Variants in TENM3 observed in about 807,000 individuals in gnomAD.
TENM3 encodes the protein teneurin transmembrane protein 3.
A neutral mutation model predicts 255.1 loss-of-function variants in TENM3; 63 were observed. The ratio of observed to expected loss-of-function variants is 0.25; its 90% CI spans 0.20 to 0.30. The LOEUF is 0.30. TENM3 is among the 10% of genes least tolerant of loss of function. The pLI is 1.00. For missense variants in TENM3, 2,929 were observed against 3,461.1 expected (o/e 0.85, Z 3.86); for synonymous variants, 1,306 against 1,322.3 (o/e 0.99, Z 0.27).
At chr4:182,691,923 C>G (rs1258248146) in intron 12 of TENM3, among the ~76,000 whole-genome samples, 1 of 152,156 alleles carries the variant, frequency 6.6e-6, no homozygotes, top group Non-Finnish European at 1.5e-5. Context: ...CAAAAATACT[C>G]TCTTTTATAT....
the TENM3 span, among the ~76,000 whole-genome samples, chr4:181,469,015 A>T: frequency 2.0e-5 from 3 of 152,210 alleles, no homozygotes; most frequent in African/African-American, 7.2e-5. Flanking sequence ...CAGTACATAC[A>T]TAATCTCTTT....
intron 1 of TENM3, among the ~76,000 whole-genome samples, chr4:182,203,840 A>G (rs895922558): frequency 2.6e-5 from 4 of 152,250 alleles, no homozygotes; most frequent in Admixed American, 2.6e-4. Flanking sequence ...ATATGGCCTC[A>G]GGCCTCCCTC....
chr4:182,420,560 C>G (rs975229119), intron 3 of TENM3, among the ~76,000 whole-genome samples: 2 of 152,164 alleles, frequency 1.3e-5, no homozygotes, highest in Non-Finnish European at 2.9e-5. Flanking sequence ...TAGAACATGG[C>G]TACAATTTTT....
intron 1 of TENM3, among the ~76,000 whole-genome samples, chr4:182,204,767 A>G (rs776292439): frequency 1.3e-5 from 2 of 152,242 alleles, no homozygotes; most frequent in Non-Finnish European, 2.9e-5. Flanking sequence ...ATGAAAAACA[A>G]TGAAATGCAA....
chr4:182,076,773 T>C, the TENM3 span, among the ~76,000 whole-genome samples: 83 of 152,254 alleles, frequency 5.5e-4, no homozygotes, highest in African/African-American at 1.9e-3. Context: ...GTGGGCCCTG[T>C]GATCTCTGTG....
At chr4:181,770,049 G>A in the TENM3 span, among the ~76,000 whole-genome samples, 1 of 152,144 alleles carries the variant, frequency 6.6e-6, no homozygotes, top group East Asian at 1.9e-4. Context: ...CAGTTACAAC[G>A]GGGAAGCGGT....
chr4:182,083,301 A>G, the TENM3 span, among the ~76,000 whole-genome samples: 3 of 152,226 alleles, frequency 2.0e-5, no homozygotes, highest in Non-Finnish European at 4.4e-5. Flanking sequence ...TTAATCCATC[A>G]TAAAGCATCA....
At chr4:181,958,242 G>T in the TENM3 span, among the ~76,000 whole-genome samples, 1 of 152,272 alleles carries the variant, frequency 6.6e-6, no homozygotes, top group South Asian at 2.1e-4. Context: ...ATAGGCAGTT[G>T]CAGGGGTGAT....
chr4:182,075,211 T>TTTC, the TENM3 span, among the ~76,000 whole-genome samples: 1 of 148,918 alleles, frequency 6.7e-6, no homozygotes. Context: ...TTTTTTTTTT[T>TTTC]TTTTTGAGAT....
the TENM3 span, among the ~76,000 whole-genome samples, chr4:182,038,795 G>A: frequency 3.3e-5 from 5 of 152,038 alleles, no homozygotes; most frequent in South Asian, 8.3e-4. Context: ...ATGCAGTGGC[G>A]CAATCTTGAC....
At chr4:181,721,555 G>A in the TENM3 span, among the ~76,000 whole-genome samples, 3 of 27,252 alleles carry the variant, frequency 1.1e-4, no homozygotes, top group Admixed American at 6.9e-4. Context: ...AGCCGAGATC[G>A]CGCCACTGCA....
chr4:181,841,663 T>C, the TENM3 span, among the ~76,000 whole-genome samples: 6 of 152,198 alleles, frequency 3.9e-5, no homozygotes, highest in Admixed American at 3.9e-4. Flanking sequence ...CTGTTTGAAA[T>C]GGAGTTTAAA....
intron 1 of TENM3, among the ~76,000 whole-genome samples, chr4:182,266,178 T>G (rs933032498): frequency 6.6e-6 from 1 of 152,250 alleles, no homozygotes; most frequent in African/African-American, 2.4e-5. Context: ...ACTATGGTTT[T>G]CACCAAAAAT....
intron 13 of TENM3, among the ~76,000 whole-genome samples, chr4:182,721,740 A>G (rs1759750275): frequency 1.3e-5 from 2 of 152,228 alleles, no homozygotes; most frequent in Admixed American, 1.3e-4. Context: ...TAAGTAAACA[A>G]AAATGTTCAA....
intron 3 of TENM3, among the ~76,000 whole-genome samples, chr4:182,456,349 C>T (rs760559040): frequency 3.9e-5 from 6 of 152,168 alleles, no homozygotes; most frequent in Non-Finnish European, 8.8e-5. Context: ...AGTAAAGACT[C>T]AGAGCTAATT....
chr4:182,686,742 T>G (rs1756607872), intron 11 of TENM3, among the ~76,000 whole-genome samples: 1 of 152,132 alleles, frequency 6.6e-6, no homozygotes, highest in African/African-American at 2.4e-5. Context: ...TGACGCACCT[T>G]GCTCAAAGCT....
At chr4:182,730,437 C>T in intron 15 of TENM3, 118 bp downstream of exon 15, 1 of 1,130,180 alleles carries the variant, frequency 8.8e-7, no homozygotes, top group Admixed American at 2.3e-5. Context: ...ACTTTTTAGA[C>T]TCTACAAACT....
At chr4:182,244,027 C>T (rs1444276843) in intron 1 of TENM3, among the ~76,000 whole-genome samples, 1 of 144,554 alleles carries the variant, frequency 6.9e-6, no homozygotes, top group African/African-American at 2.6e-5. Context: ...GACCTCGGCT[C>T]ACTGCAAGCT....
the TENM3 span, among the ~76,000 whole-genome samples, chr4:181,612,490 A>ATGTGTGTGTGTGTGTGTGTG: frequency 9.4e-5 from 14 of 148,446 alleles, no homozygotes; most frequent in East Asian, 2.0e-4. Flanking sequence ...TTTGGTTAAG[A>ATGTGTGTGTGTGTGTGTGTG]TGTGTGTGTG....
Sources: gnomAD v4.1 joint callset for allele counts (sites outside exome capture counted in the v4.1 genomes callset) on GRCh38, gnomAD v4.1.1 for gene constraint, MANE v1.5 for transcripts, NCBI Gene and HGNC (gene_info 2026-07-23, HGNC 2026-07-21) for gene names.